PCDHGA4: variants seen among roughly 807,000 people sequenced by gnomAD.
The protein encoded by PCDHGA4 is protocadherin gamma subfamily A, 4.
A neutral mutation model predicts 54.6 loss-of-function variants in PCDHGA4; 38 were observed. The observed-to-expected ratio is 0.70, with a 90% CI of 0.54 to 0.91. The LOEUF (loss-of-function observed/expected upper bound fraction) is 0.91. Ranked by LOEUF, PCDHGA4 falls within the 40% of genes least tolerant of loss-of-function variation. The pLI is 0.00. For synonymous variants in PCDHGA4, 511 were observed against 512.9 expected, an observed-to-expected ratio of 1.00 and a Z score of 0.05; for missense variants, 1,298 against 1,220.9, an observed-to-expected ratio of 1.06 and a Z score of -0.94.
At chr5:141,389,367 G>A (rs1402654392) in intron 1 of PCDHGA4, 4 of 1,613,806 alleles carry the variant, frequency 2.5e-6, no homozygotes, top group South Asian at 1.1e-5. Context: ...CAGTGACCTG[G>A]AGCAGCGGGA....
chr5:141,419,980 G>T lies in PCDHGA4; in HGVS notation c.2514+62359G>T, dbSNP rs182372807. 1.1e-4 allele frequency: 180 copies of T among 1,614,080 alleles called. No individual in the cohort carries two copies. The East Asian group carries it at 1.1e-3, about 10-fold the overall frequency. On this transcript the variant is annotated intron_variant, in intron 1 of 3. Transcript: ENST00000571252. ...TTTCTGTGCTCTTTCTCCTCGCGGTGATTCTAGCTATTGCTCTACGCCTGC... is the reference window on the plus strand; with the variant it reads ...TTTCTGTGCTCTTTCTCCTCGCGGTTATTCTAGCTATTGCTCTACGCCTGC...
chr5:141,365,651 A>C (rs774193854), intron 1 of PCDHGA4: 53 of 1,613,528 alleles, frequency 3.3e-5, no homozygotes, highest in Non-Finnish European at 4.3e-5. Flanking sequence ...CATCCCCTTG[A>C]AAGTAGCAGA....
In PCDHGA4 at chr5:141,473,538, T is replaced by C. The variant is rs544537855; in HGVS notation, c.2515-21269T>C. Among the ~76,000 whole-genome samples, 58 of 152,328 alleles carry C rather than the reference T, an allele frequency of 3.8e-4. 1 individual carries two copies. Among genetic ancestry groups the C allele is most frequent in the African/African-American group, 1.3e-3 (55 of 41,576 alleles). Reference sequence around the variant, plus strand: ...AAGGATCCTGGTTTTAACTGGGGCCTAATGGAAGACCTCTATTAGGAAATA... The same window carrying C: ...AAGGATCCTGGTTTTAACTGGGGCCCAATGGAAGACCTCTATTAGGAAATA... On this transcript the variant is annotated intron_variant, in intron 1 of 3. Coordinates refer to ENST00000571252, the MANE Select transcript of PCDHGA4 (RefSeq NM_018917.4).
intron 1 of PCDHGA4, chr5:141,441,986 C>A (rs2098288559): frequency 1.1e-5 from 3 of 269,098 alleles, no homozygotes; most frequent in South Asian, 7.5e-5. Context: ...GAATGCGCAC[C>A]GACGAGGTGC....
rs3806835 is a variant in PCDHGA4, at chr5:141,370,079, T to C, written c.2514+12458T>C. On this transcript the variant is annotated intron_variant, in intron 1 of 3. Transcript: ENST00000571252. ...GTCCTTTTAAAATGGGAAGAAAGTATCACTATCAGTACACTGCCGATTTTT... is the reference window on the plus strand; with the variant it reads ...GTCCTTTTAAAATGGGAAGAAAGTACCACTATCAGTACACTGCCGATTTTT... Among the ~76,000 whole-genome samples, 56 of 152,350 alleles carry C rather than the reference T, an allele frequency of 3.7e-4. No homozygotes were observed. The East Asian group carries it at 0.011, about 29-fold the overall frequency.
intron 1 of PCDHGA4, among the ~76,000 whole-genome samples, chr5:141,463,726 A>G (rs6888081): frequency 0.29 from 44,573 of 151,836 alleles, 7,596 homozygotes; most frequent in African/African-American, 0.48. Flanking sequence ...GATTACAGGC[A>G]TGAGCCACCG....
intron 1 of PCDHGA4, chr5:141,375,053 G>T: frequency 1.2e-6 from 2 of 1,614,046 alleles, no homozygotes; most frequent in South Asian, 2.2e-5. Context: ...AGCCCGGGAT[G>T]GGCCAGGTCT....
intron 1 of PCDHGA4, chr5:141,421,393 G>A: frequency 6.2e-7 from 1 of 1,614,038 alleles, no homozygotes; most frequent in Non-Finnish European, 8.5e-7. Flanking sequence ...CCTGGGGCTG[G>A]AGCCCCGGGA....
rs1174072440 is a variant in PCDHGA4, at chr5:141,438,581, TACATACATAC to T, written c.2515-56224_2515-56215del. Among the ~76,000 whole-genome samples, 141 of 49,790 alleles carry T rather than the reference TACATACATAC, an allele frequency of 2.8e-3. 1 individual carries two copies. Among genetic ancestry groups the T allele is most frequent in the African/African-American group, 0.014 (97 of 6,866 alleles). 32.7% of individuals were successfully genotyped at this position (49,790 alleles called of 152,430 possible). A position where few individuals can be genotyped will look rare whatever the true frequency, so the allele number is the denominator to read the frequency against. On this transcript the variant is annotated intron_variant, in intron 1 of 3. Coordinates refer to ENST00000571252, the MANE Select transcript of PCDHGA4 (RefSeq NM_018917.4). ...GAGGCAGCTGTCTGATATACATACA[TACATACATAC>T]ATATATATATATATATATATATATA...
chr5:141,392,060 G>A (rs537832041), intron 1 of PCDHGA4: 11 of 151,956 alleles, frequency 7.2e-5, no homozygotes, highest in Non-Finnish European at 1.5e-4. Context: ...AAATATTATC[G>A]ACATGTAATT....
chr5:141,484,944 AG>A (rs1354711871), intron 1 of PCDHGA4: 1 of 546,450 alleles, frequency 1.8e-6, no homozygotes, highest in Non-Finnish European at 3.3e-6. Context: ...TTCTCTGCTC[AG>A]CCTATTGGCT....
intron 1 of PCDHGA4, chr5:141,370,863 G>A (rs755596039): frequency 6.2e-7 from 1 of 1,614,050 alleles, no homozygotes; most frequent in Non-Finnish European, 8.5e-7. Context: ...CCTGGAATCT[G>A]CGCAAGATCC....
chr5:141,361,550 C>T (rs749597862), intron 1 of PCDHGA4: 3 of 1,614,060 alleles, frequency 1.9e-6, no homozygotes, highest in Non-Finnish European at 2.5e-6. Flanking sequence ...GCCTCTATCG[C>T]TCAAATCAGT....
chr5:141,384,864 A>G (rs202180798), intron 1 of PCDHGA4: 3 of 1,613,702 alleles, frequency 1.9e-6, no homozygotes, highest in Non-Finnish European at 2.5e-6. Flanking sequence ...CTCCTCTGTC[A>G]GCCACCGTCA....
chr5:141,366,736 A>G (rs1165089619), intron 1 of PCDHGA4: 6 of 1,612,430 alleles, frequency 3.7e-6, no homozygotes, highest in Admixed American at 1.7e-5. Context: ...CAAACAAAGA[A>G]GAACGGCGAG....
intron 1 of PCDHGA4, among the ~76,000 whole-genome samples, chr5:141,466,534 T>C (rs1343781541): frequency 6.6e-6 from 1 of 152,214 alleles, no homozygotes; most frequent in Non-Finnish European, 1.5e-5. Flanking sequence ...CAAATTGATG[T>C]AGATGGTCTT....
intron 1 of PCDHGA4, chr5:141,416,401 T>C (rs2096020867): frequency 6.6e-6 from 1 of 152,204 alleles, no homozygotes; most frequent in African/African-American, 2.4e-5. Context: ...TGCTTTTGTC[T>C]TTTTTGTTAA....
chr5:141,369,443 G>T (rs1052997530), intron 1 of PCDHGA4, among the ~76,000 whole-genome samples: 1 of 152,056 alleles, frequency 6.6e-6, no homozygotes, highest in Non-Finnish European at 1.5e-5. Context: ...GAGGTGGGAG[G>T]ATTGCTTAAA....
chr5:141,357,723 T>A (rs979364296), intron 1 of PCDHGA4, 102 bp downstream of exon 1: 3 of 1,391,112 alleles, frequency 2.2e-6, no homozygotes, highest in Non-Finnish European at 2.9e-6. Flanking sequence ...AAGTTGCCTC[T>A]TTTAATATTT....
Sources: gnomAD v4.1 joint callset for allele counts (sites outside exome capture counted in the v4.1 genomes callset) on GRCh38, gnomAD v4.1.1 for gene constraint, MANE v1.5 for transcripts, NCBI Gene and HGNC (gene_info 2026-07-23, HGNC 2026-07-21) for gene names.